Variants in DCC observed in about 807,000 individuals in gnomAD.
The protein encoded by DCC is DCC netrin 1 receptor.
A neutral mutation model predicts 172.5 loss-of-function variants in DCC; 58 were observed. The observed-to-expected ratio is 0.34, with a 90% confidence interval of 0.27 to 0.42. The LOEUF (loss-of-function observed/expected upper bound fraction) is 0.42, where lower values mean the gene tolerates loss of function less well. Ranked by LOEUF, DCC falls within the 10% of genes least tolerant of loss-of-function variation. The pLI is 1.00. For synonymous variants in DCC, 709 were observed against 644.5 expected, an observed-to-expected ratio of 1.10 and a Z score of -1.52; for missense variants, 1,740 against 1,791.0, an observed-to-expected ratio of 0.97 and a Z score of 0.51.
rs563499807 is a variant in DCC, at chr18:53,118,996, A to G, written c.1262-38360A>G. ...TGCCACAAATTATTCCTCAAACCCA[A>G]CAAGGCAGAATCTACTGGTCATTCC... is the stretch of plus-strand genomic sequence containing the variant. On this transcript the variant is annotated intron_variant, in intron 7 of 28. Transcript: ENST00000442544. Among the ~76,000 whole-genome samples, 60 of 151,916 alleles carry G rather than the reference A, an allele frequency of 3.9e-4. No individual in the cohort carries two copies. The Middle Eastern group carries it at 0.014, about 35-fold the overall frequency.
chr18:53,429,139 A>T (rs1268259887), intron 21 of DCC, among the ~76,000 whole-genome samples: 2 of 120,656 alleles, frequency 1.7e-5, no homozygotes, highest in Admixed American at 1.2e-4. Context: ...AAATATATAT[A>T]TATCGGTTGG....
chr18:52,649,719 G>A (rs750896295), intron 1 of DCC, among the ~76,000 whole-genome samples: 80 of 151,992 alleles, frequency 5.3e-4, no homozygotes, highest in Non-Finnish European at 9.7e-4. Flanking sequence ...TATCCATGTT[G>A]CCACAAAAAG....
rs552876183 is a variant in DCC at position 52,527,991 on chromosome 18, C to T, written c.91+187113C>T. Reference sequence around the variant, plus strand: ...GGCAAATTTGCCTGCCTTTCCAAAGCCAGAATGAAACACTGACTTTCTAAG... The same window carrying T: ...GGCAAATTTGCCTGCCTTTCCAAAGTCAGAATGAAACACTGACTTTCTAAG... On this transcript the variant is annotated intron_variant, in intron 1 of 28. Coordinates refer to ENST00000442544, the MANE Select transcript of DCC (RefSeq NM_005215.4). 7.2e-5 allele frequency among the ~76,000 whole-genome samples: 11 copies of T among 152,182 alleles called. No homozygotes were observed. The South Asian group carries it at 2.3e-3, about 32-fold the overall frequency.
chr18:53,405,492 G>A (rs1909603011), intron 19 of DCC, among the ~76,000 whole-genome samples: 1 of 152,094 alleles, frequency 6.6e-6, no homozygotes, highest in Non-Finnish European at 1.5e-5. Flanking sequence ...ATACCCAGTG[G>A]GCACTGACAC....
intron 2 of DCC, among the ~76,000 whole-genome samples, chr18:52,835,743 T>C (rs960222134): frequency 1.3e-5 from 2 of 152,228 alleles, no homozygotes; most frequent in African/African-American, 4.8e-5. Flanking sequence ...AATTCAAAAC[T>C]GATTTTTAAT....
intron 6 of DCC, among the ~76,000 whole-genome samples, chr18:53,065,713 C>A (rs1377547144): frequency 1.3e-5 from 2 of 152,090 alleles, no homozygotes; most frequent in East Asian, 3.9e-4. Flanking sequence ...AATGAGATTT[C>A]TTTTCATGGT....
intron 2 of DCC, among the ~76,000 whole-genome samples, chr18:52,761,722 C>A (rs2037162542): frequency 6.6e-6 from 1 of 151,896 alleles, no homozygotes; most frequent in Admixed American, 6.6e-5. Context: ...TGTTAAAAGA[C>A]AGAGCCTTAG....
At chr18:52,614,866 C>G (rs1241416340) in intron 1 of DCC, among the ~76,000 whole-genome samples, 3 of 152,052 alleles carry the variant, frequency 2.0e-5, no homozygotes. Flanking sequence ...AAAATAGTAA[C>G]ATAAAAACGA....
chr18:53,328,815 T>C (rs943292943), intron 14 of DCC, among the ~76,000 whole-genome samples: 1 of 152,158 alleles, frequency 6.6e-6, no homozygotes, highest in African/African-American at 2.4e-5. Context: ...GTGATCTGCC[T>C]GCCTCAGCCT....
chr18:52,772,721 G>A (rs1454769195), intron 2 of DCC, among the ~76,000 whole-genome samples: 1 of 152,074 alleles, frequency 6.6e-6, no homozygotes, highest in East Asian at 1.9e-4. Flanking sequence ...TATATTGGGT[G>A]GTGTTTTGTC....
At chr18:53,446,098 C>CAAAAAAAAA (rs1246126122) in intron 22 of DCC, among the ~76,000 whole-genome samples, 42 of 32,130 alleles carry the variant, frequency 1.3e-3, no homozygotes, top group Non-Finnish European at 3.5e-3. Context: ...CCTGTCTCTA[C>CAAAAAAAAA]AAAAAAAAAA....
At chr18:52,515,294 T>A (rs1186940730) in intron 1 of DCC, among the ~76,000 whole-genome samples, 1 of 151,980 alleles carries the variant, frequency 6.6e-6, no homozygotes, top group Admixed American at 6.6e-5. Flanking sequence ...TTATACCTTA[T>A]ACAAAAATGA....
intron 5 of DCC, among the ~76,000 whole-genome samples, chr18:53,006,993 A>T (rs1183508272): frequency 6.6e-6 from 1 of 152,230 alleles, no homozygotes; most frequent in Non-Finnish European, 1.5e-5. Flanking sequence ...CTTAGTAATC[A>T]CTATAGGCTG....
intron 2 of DCC, among the ~76,000 whole-genome samples, chr18:52,883,350 A>ATTTATG (rs1270659885): frequency 3.5e-4 from 12 of 34,158 alleles, no homozygotes; most frequent in African/African-American, 9.0e-4. Context: ...TTATTTATTT[A>ATTTATG]TGTGTGTGTG....
intron 7 of DCC, among the ~76,000 whole-genome samples, chr18:53,116,380 G>A (rs1568314168): frequency 6.6e-6 from 1 of 151,716 alleles, no homozygotes; most frequent in Non-Finnish European, 1.5e-5. Context: ...GAAGTAAAGT[G>A]ACAAAGTCAT....
intron 1 of DCC, among the ~76,000 whole-genome samples, chr18:52,606,926 A>G (rs1026947163): frequency 6.6e-6 from 1 of 152,164 alleles, no homozygotes. Flanking sequence ...CTTCTTTTTC[A>G]ATTCCTTTTG....
At chr18:52,917,865 C>T (rs539244282) in intron 3 of DCC, among the ~76,000 whole-genome samples, 4 of 152,258 alleles carry the variant, frequency 2.6e-5, no homozygotes, top group African/African-American at 9.6e-5. Context: ...AGCATTACTG[C>T]TTTTAATCGA....
chr18:52,796,485 T>A (rs538297766), intron 2 of DCC, among the ~76,000 whole-genome samples: 3 of 152,258 alleles, frequency 2.0e-5, no homozygotes, highest in African/African-American at 7.2e-5. Flanking sequence ...ATTTTAAACA[T>A]TTTTTGTAGG....
chr18:52,742,349 G>A (rs1191322821), intron 1 of DCC, among the ~76,000 whole-genome samples: 1 of 152,042 alleles, frequency 6.6e-6, no homozygotes, highest in Non-Finnish European at 1.5e-5. Context: ...ATAGCACTTA[G>A]TCTCTTCTGA....
Sources: allele counts gnomAD v4.1 joint callset (sites outside exome capture counted in the v4.1 genomes callset), GRCh38; gene constraint gnomAD v4.1.1; transcripts MANE v1.5; gene names NCBI Gene and HGNC (gene_info 2026-07-23, HGNC 2026-07-21).